Variants in RAP1GDS1 observed in about 807,000 individuals in gnomAD.
The protein encoded by RAP1GDS1 is RAP1, GTP-GDP dissociation stimulator 1.
In RAP1GDS1, 35 loss-of-function variants were observed where a neutral mutation model predicts 71.1. The observed-to-expected ratio is 0.49, with a 90% CI of 0.38 to 0.65. The LOEUF is 0.65. Ranked by LOEUF, RAP1GDS1 falls within the 30% of genes least tolerant of loss-of-function variation. The pLI is 0.00. For synonymous variants in RAP1GDS1, 229 were observed against 243.1 expected (o/e 0.94, Z 0.54); for missense variants, 663 against 706.1 (o/e 0.94, Z 0.69).
intron 7 of RAP1GDS1, among the ~76,000 whole-genome samples, chr4:98,408,321 C>T (rs753519266): frequency 6.6e-6 from 1 of 151,926 alleles, no homozygotes; most frequent in Non-Finnish European, 1.5e-5. Context: ...TTAGTAGACA[C>T]GGGGTTTCAC....
At chr4:98,391,365 A>AAAAT (rs1743633684) in intron 5 of RAP1GDS1, among the ~76,000 whole-genome samples, 1 of 152,144 alleles carries the variant, frequency 6.6e-6, no homozygotes, top group Non-Finnish European at 1.5e-5. Flanking sequence ...TTTAAAAAGA[A>AAAAT]AAATATTTTA....
chr4:98,361,027 A>G (rs958584027), intron 4 of RAP1GDS1, among the ~76,000 whole-genome samples: 1 of 151,742 alleles, frequency 6.6e-6, no homozygotes, highest in Admixed American at 6.6e-5. Flanking sequence ...CAGTGATTTA[A>G]GATCACAGCA....
chr4:98,321,866 G>A (rs1053784987), intron 2 of RAP1GDS1, among the ~76,000 whole-genome samples: 4 of 94,922 alleles, frequency 4.2e-5, no homozygotes, highest in African/African-American at 1.3e-4. Flanking sequence ...ATCAACTAAC[G>A]AGCAAAATCA....
At position 98,395,691 on chromosome 4, in the gene RAP1GDS1, T is replaced by C. The variant is rs967934809; in HGVS notation, c.637+3611T>C. Among the ~76,000 whole-genome samples the C allele has an allele frequency of 7.2e-5, 11 of 152,172 alleles. No homozygotes were observed. In the East Asian group the frequency reaches 1.5e-3, roughly 21 times the overall value. On this transcript the variant is annotated intron_variant, in intron 6 of 14. Coordinates refer to ENST00000408927, the MANE Select transcript of RAP1GDS1 (RefSeq NM_001100427.2). ...ACCCTTTTTAAACATAGATACTCTT[T>C]AGGATAGCCAAAGTTATCAACCATC...
intron 1 of RAP1GDS1, among the ~76,000 whole-genome samples, chr4:98,291,147 T>G (rs1199589259): frequency 6.6e-6 from 1 of 152,066 alleles, no homozygotes; most frequent in Non-Finnish European, 1.5e-5. Flanking sequence ...TTGATAGGCT[T>G]TTAGAGGACT....
intron 4 of RAP1GDS1, among the ~76,000 whole-genome samples, chr4:98,354,528 G>A (rs183676880): frequency 1.3e-5 from 2 of 152,054 alleles, no homozygotes; most frequent in Non-Finnish European, 2.9e-5. Flanking sequence ...TGGTTTTTAT[G>A]GGCATAGAGT....
chr4:98,335,455 A>G (rs1388901805), intron 2 of RAP1GDS1, among the ~76,000 whole-genome samples: 6 of 151,176 alleles, frequency 4.0e-5, no homozygotes, highest in African/African-American at 1.5e-4. Flanking sequence ...TTCTGGCTCT[A>G]TTAGGGTTGT....
intron 2 of RAP1GDS1, among the ~76,000 whole-genome samples, chr4:98,326,178 C>T (rs1311073258): frequency 1.3e-5 from 2 of 152,114 alleles, no homozygotes; most frequent in East Asian, 1.9e-4. Flanking sequence ...ATTCTTCCCT[C>T]TTCCAAACAT....
At chr4:98,311,597 TATG>T (rs1350102463) in intron 2 of RAP1GDS1, among the ~76,000 whole-genome samples, 1 of 152,192 alleles carries the variant, frequency 6.6e-6, no homozygotes, top group East Asian at 1.9e-4. Context: ...CACAGATACA[TATG>T]ATAAGAAATA....
chr4:98,348,494 G>C (rs1268308651), intron 3 of RAP1GDS1, among the ~76,000 whole-genome samples: 2 of 152,132 alleles, frequency 1.3e-5, no homozygotes, highest in Non-Finnish European at 2.9e-5. Flanking sequence ...TAATGGGATT[G>C]CTGGGTCAAA....
At chr4:98,306,450 T>C (rs1729337849) in intron 2 of RAP1GDS1, among the ~76,000 whole-genome samples, 1 of 152,216 alleles carries the variant, frequency 6.6e-6, no homozygotes, top group South Asian at 2.1e-4. Context: ...TAATCCATTA[T>C]AAAGTCCTCA....
intron 1 of RAP1GDS1, among the ~76,000 whole-genome samples, chr4:98,282,688 T>C (rs1389250511): frequency 2.0e-5 from 3 of 152,122 alleles, no homozygotes; most frequent in African/African-American, 7.2e-5. Context: ...CTCTTGCTTC[T>C]CTAGTTCTTT....
chr4:98,360,354 C>T (rs573878567), intron 4 of RAP1GDS1, among the ~76,000 whole-genome samples: 1 of 152,074 alleles, frequency 6.6e-6, no homozygotes, highest in East Asian at 1.9e-4. Context: ...CCTTCCCCCC[C>T]AACCCCACCC....
chr4:98,288,469 G>A (rs1179925520), intron 1 of RAP1GDS1, among the ~76,000 whole-genome samples: 1 of 152,060 alleles, frequency 6.6e-6, no homozygotes, highest in African/African-American at 2.4e-5. Flanking sequence ...CTTTGCTATT[G>A]TGAATAGTGC....
intron 1 of RAP1GDS1, among the ~76,000 whole-genome samples, chr4:98,279,559 C>T (rs1314567463): frequency 6.6e-6 from 1 of 151,236 alleles, no homozygotes; most frequent in Non-Finnish European, 1.5e-5. Flanking sequence ...TATATACTTA[C>T]ATGTATACAT....
chr4:98,423,262 AG>A (rs1400473718), intron 12 of RAP1GDS1, among the ~76,000 whole-genome samples: 1 of 152,228 alleles, frequency 6.6e-6, no homozygotes, highest in Non-Finnish European at 1.5e-5. Context: ...AATGAAGGAA[AG>A]GGCCTTTTCA....
In RAP1GDS1 at chr4:98,443,551, C is replaced by T. The variant is rs1033125913; in HGVS notation, c.*1434C>T. ...GCCACGGAGGTGACAGTAGCTCCTT[C>T]CTCTCCAACATGTGATGCTACACAT... On this transcript the variant is annotated 3_prime_UTR_variant, in exon 15 of 15. Transcript: ENST00000408927. The T allele has an allele frequency of 1.3e-5, 3 of 225,938 alleles. No homozygotes were observed. Among genetic ancestry groups the T allele is most frequent in the African/African-American group, 6.7e-5 (3 of 44,924 alleles). The allele number at this position is 225,938 out of a possible 1,614,324, so 14.0% of individuals were successfully genotyped here.
intron 2 of RAP1GDS1, among the ~76,000 whole-genome samples, chr4:98,321,526 G>T (rs955103950): frequency 6.9e-6 from 1 of 145,982 alleles, no homozygotes; most frequent in Non-Finnish European, 1.5e-5. Flanking sequence ...AGAGAGAAAG[G>T]TCGGGTTACC....
At chr4:98,440,932 A>C (rs563865137) in intron 14 of RAP1GDS1, among the ~76,000 whole-genome samples, 3 of 152,158 alleles carry the variant, frequency 2.0e-5, no homozygotes, top group Non-Finnish European at 4.4e-5. Flanking sequence ...ACCTCAGGTG[A>C]TCCACCCACC....
Sources: gnomAD v4.1 joint callset for allele counts (sites outside exome capture counted in the v4.1 genomes callset) on GRCh38, gnomAD v4.1.1 for gene constraint, MANE v1.5 for transcripts, NCBI Gene and HGNC (gene_info 2026-07-23, HGNC 2026-07-21) for gene names.